Variants in LRP1 observed in about 807,000 individuals in gnomAD.
The protein encoded by LRP1 is LDL receptor related protein 1, also known as prolow-density lipoprotein receptor-related protein 1.
LRP1 carries 51 observed loss-of-function variants against 541.5 expected under a neutral mutation model. That is an observed-to-expected ratio of 0.09 (90% CI 0.08 to 0.12). The LOEUF is 0.12. LRP1 is among the 10% of genes least tolerant of loss of function. The pLI, the probability that LRP1 is intolerant of heterozygous loss-of-function variation, is 1.00. For synonymous variants in LRP1, 2,219 were observed against 2,470.8 expected (o/e 0.90, Z 3.02); for missense variants, 3,878 against 6,376.2 (o/e 0.61, Z 13.34).
Position 57,144,824 on chromosome 12 carries a change from G to A in LRP1, c.449-148G>A, listed in dbSNP as rs944819568. ...AAGACTGGACTTGCTGGGTGTTAAG[G>A]TTTGCACATTTCATGCTGTAATAGA... On this transcript the variant is annotated intron_variant, in intron 4 of 88. Coordinates refer to ENST00000243077, the MANE Select transcript of LRP1 (RefSeq NM_002332.3). The A allele has an allele frequency of 1.2e-5, 9 of 779,788 alleles. No homozygotes were observed. In the African/African-American group the frequency reaches 1.5e-4, roughly 13 times the overall value. 48.3% of individuals were successfully genotyped at this position (779,788 alleles called of 1,614,324 possible).
In LRP1 at chr12:57,206,675, T is replaced by A; in HGVS notation, c.11793T>A (p.Pro3931=). 1.2e-6 allele frequency: 2 copies of A among 1,613,734 alleles called. No individual in the cohort carries two copies. The highest frequency in any genetic ancestry group is 2.2e-5 in the South Asian group (2 of 91,086). The change falls in exon 76 of 89, where the codon CCT becomes CCA. Residue 3931 remains proline (P), a synonymous_variant. Transcript: ENST00000243077. The surrounding 1 kb of genome is among the most constrained non-coding windows in gnomAD (Gnocchi z 4.7). The part of the protein sequence containing the change: ...TGTISYRSLP[P]AAPPTTSNRH... Reference sequence around the variant, plus strand: ...CCATCTCCTACCGCAGCCTGCCACCTGCTGCGCCTCCTACCACTTCCAACC... The same window carrying A: ...CCATCTCCTACCGCAGCCTGCCACCAGCTGCGCCTCCTACCACTTCCAACC...
Position 57,169,237 on chromosome 12 carries a change from C to T in LRP1, c.3093C>T (p.His1031=). ...ACAGCGGGCGTTGCATCCCCGAGCACTGGACCTGCGATGGGGACAATGACT... is the reference window on the plus strand; with the variant it reads ...ACAGCGGGCGTTGCATCCCCGAGCATTGGACCTGCGATGGGGACAATGACT... The part of the protein sequence containing the change: ...KCNSGRCIPE[H]WTCDGDNDCG... The change falls in exon 20 of 89, where the codon CAC becomes CAT. Residue 1031 remains histidine (H), a synonymous_variant. Transcript: ENST00000243077. 2 of 1,613,970 alleles carry T rather than the reference C, an allele frequency of 1.2e-6. No individual in the cohort carries two copies. The highest frequency in any genetic ancestry group is 1.7e-6 in the Non-Finnish European group (2 of 1,179,968).
At chr12:57,208,689 C>T in intron 77 of LRP1, 22 bp from the exon 78 acceptor site, 1 of 1,546,706 alleles carries the variant, frequency 6.5e-7, no homozygotes, top group Non-Finnish European at 8.9e-7. Flanking sequence ...CCTGCCCACA[C>T]TCACCCCTTC....
rs1382971280 is a variant in LRP1 at position 57,203,502 on chromosome 12, G to A, written c.10932G>A (p.Glu3644=). The change falls in exon 70 of 89, where the codon GAG becomes GAA. Residue 3644 remains glutamate (E), a synonymous_variant. Coordinates refer to ENST00000243077, the MANE Select transcript of LRP1 (RefSeq NM_002332.3). ...CCGACTGCATGGACGGCAGCGACGA[G>A]GAGGCCTGCGGCACTGGCGGTGCGC... The part of the protein sequence containing the change: ...ADADCMDGSD[E]EACGTGVRTC... The A allele has an allele frequency of 3.9e-6, 6 of 1,551,472 alleles. No individual in the cohort carries two copies. Among genetic ancestry groups the A allele is most frequent in the African/African-American group, 2.7e-5 (2 of 73,326 alleles).
rs994360620 is a variant in LRP1, at chr12:57,178,386, C to T, written c.4389C>T (p.Tyr1463=). The T allele has an allele frequency of 1.1e-5, 17 of 1,614,172 alleles. No individual in the cohort carries two copies. Among genetic ancestry groups the T allele is most frequent in the South Asian group, 2.2e-5 (2 of 91,086 alleles). ...ARSDAIYSAR[Y]DGSGHMEVLR... ...CAGATGCCATTTACTCAGCCCGTTA[C>T]GACGGCTCTGGCCACATGGAGGTGC... is the stretch of plus-strand genomic sequence containing the variant. Residue 1463 remains tyrosine (Y), a synonymous_variant, in exon 27 of 89, where the codon TAC becomes TAT. Coordinates refer to ENST00000243077, the MANE Select transcript of LRP1 (RefSeq NM_002332.3). This position sits in a 1 kb window ranked among gnomAD's most constrained non-coding sequence, Gnocchi z 5.8.
At chr12:57,141,331 C>A (rs944995606) in intron 2 of LRP1, 43 bp from the exon 3 acceptor site, 6 of 1,612,554 alleles carry the variant, frequency 3.7e-6, no homozygotes, top group Admixed American at 3.3e-5. Flanking sequence ...CAGAGAGCCA[C>A]CATAGCCAGC....
chr12:57,144,900 T>C, intron 4 of LRP1, 72 bp from the exon 5 acceptor site: 1 of 1,456,752 alleles, frequency 6.9e-7, no homozygotes, highest in South Asian at 1.1e-5. Flanking sequence ...ATGTTGATCA[T>C]GTCTGATGAT....
At chr12:57,195,614 C>T (rs990371279) in intron 52 of LRP1, 44 bp from the exon 53 acceptor site, 16 of 1,613,430 alleles carry the variant, frequency 9.9e-6, no homozygotes, top group Non-Finnish European at 1.4e-5. Context: ...CGGTCGGCCG[C>T]TGGCCAGGCA....
rs748177087 is a variant in LRP1, at chr12:57,203,490, C to T, written c.10920C>T (p.Asp3640=). 59 of 1,563,598 alleles carry T rather than the reference C, an allele frequency of 3.8e-5. No homozygotes were observed. Among genetic ancestry groups the T allele is most frequent in the East Asian group, 1.7e-4 (7 of 41,948 alleles). ...WRCDADADCM[D]GSDEEACGTG... ...GTGACGCAGACGCCGACTGCATGGA[C>T]GGCAGCGACGAGGAGGCCTGCGGCA... The change falls in exon 70 of 89, where the codon GAC becomes GAT. Residue 3640 remains aspartate, a synonymous_variant. Coordinates refer to ENST00000243077, the MANE Select transcript of LRP1 (RefSeq NM_002332.3).
At position 57,201,576 on chromosome 12, in the gene LRP1, G is replaced by T; in HGVS notation, c.10425G>T (p.Arg3475=). ...TCCCCCGGGTCTGGGTCTGCGACCGGGACAATGACTGTGTGGATGGCAGTG... is the reference window on the plus strand; with the variant it reads ...TCCCCCGGGTCTGGGTCTGCGACCGTGACAATGACTGTGTGGATGGCAGTG... ...RCIPRVWVCD[R]DNDCVDGSDE... Residue 3475 remains arginine, a synonymous_variant, in exon 66 of 89, where the codon CGG becomes CGT. Coordinates refer to ENST00000243077, the MANE Select transcript of LRP1 (RefSeq NM_002332.3). The surrounding 1 kb of genome is among the most constrained non-coding windows in gnomAD (Gnocchi z 6.4). The T allele has an allele frequency of 6.2e-7, 1 of 1,614,052 alleles. No individual in the cohort carries two copies.
chr12:57,147,230 C>T (rs2035429053), intron 6 of LRP1, among the ~76,000 whole-genome samples: 1 of 152,056 alleles, frequency 6.6e-6, no homozygotes, highest in African/African-American at 2.4e-5. Context: ...CCTGCCCTCC[C>T]CCTGCTCCAC....
At position 57,159,929 on chromosome 12, in the gene LRP1, G is replaced by A; in HGVS notation, c.1903G>A (p.Ala635Thr). 3 of 1,614,186 alleles carry A rather than the reference G, an allele frequency of 1.9e-6. No individual in the cohort carries two copies. The highest frequency in any genetic ancestry group is 2.5e-6 in the Non-Finnish European group (3 of 1,180,034). ...KTISVARLEK[A>T]AQTRKTLIEG... ...AATCAGCGTGGCCAGGCTGGAGAAA[G>A]CTGCTCAGACCCGCAAGACTTTAAT... The change falls in exon 12 of 89, where the codon GCT (alanine) becomes ACT (threonine). Residue 635 changes from alanine (A) to threonine (T), a missense_variant. Transcript: ENST00000243077.
Position 57,205,476 on chromosome 12 carries a change from G to A in LRP1, c.11461G>A (p.Gly3821Arg), listed in dbSNP as rs761581181. The change falls in exon 74 of 89, where the codon GGA (glycine) becomes AGA (arginine). Residue 3821 changes from glycine (G) to arginine (R), a missense_variant. Physicochemically the swap from Gly to Arg is moderately radical, Grantham distance 125. Around this residue, in one of 13 missense-constraint regions of LRP1, gnomAD observed 871 missense variants for 1,212.4 expected, o/e 0.72. Transcript: ENST00000243077. The surrounding 1 kb of genome is among the most constrained non-coding windows in gnomAD (Gnocchi z 4.6). ...SGFHTVPGQP[G>R]CQDINECLRF... ...CTTCCACACCGTGCCCGGCCAGCCCGGATGCCAAGGTAGGAAAGCGGGGCA... is the reference window on the plus strand; with the variant it reads ...CTTCCACACCGTGCCCGGCCAGCCCAGATGCCAAGGTAGGAAAGCGGGGCA... 58 of 1,610,578 alleles carry A rather than the reference G, an allele frequency of 3.6e-5. No individual in the cohort carries two copies. The highest frequency in any genetic ancestry group is 8.9e-5 in the East Asian group (4 of 44,794).
Position 57,198,367 on chromosome 12 carries a change from G to A in LRP1, c.9470+24G>A. 5 of 1,608,212 alleles carry A rather than the reference G, an allele frequency of 3.1e-6. No homozygotes were observed. The South Asian group carries it at 3.3e-5, about 11-fold the overall frequency. On this transcript the variant is annotated intron_variant, in intron 59 of 88. Coordinates refer to ENST00000243077, the MANE Select transcript of LRP1 (RefSeq NM_002332.3). ...GGGTATGTGGCTGAGGAGGGTTGGG[G>A]GAGCCCCTGAAAGCAGCATCCAAGC...
chr12:57,177,032 C>A lies in LRP1; in HGVS notation c.3992-9C>A, dbSNP rs778496979. ...AGACGCTAACCTTTCACTGCCCTCT[C>A]TTCTCCAGCCCTGACTAGTTTCGAG... On this transcript the variant is annotated splice_polypyrimidine_tract_variant and intron_variant, in intron 24 of 88. Transcript: ENST00000243077. This position sits in a 1 kb window ranked among gnomAD's most constrained non-coding sequence, Gnocchi z 6.8. The A allele has an allele frequency of 9.9e-6, 16 of 1,613,024 alleles. No individual in the cohort carries two copies. The African/African-American group carries it at 1.5e-4, about 15-fold the overall frequency.
At chr12:57,149,699 C>A (rs750894391) in intron 6 of LRP1, 8 of 736,328 alleles carry the variant, frequency 1.1e-5, no homozygotes, top group Admixed American at 3.7e-5. Flanking sequence ...GGAAGAGAGC[C>A]CAGGAGAACG....
rs562542596 is a variant in LRP1, at chr12:57,171,295, A to G, written c.3164-1873A>G. Among the ~76,000 whole-genome samples, 11 of 152,250 alleles carry G rather than the reference A, an allele frequency of 7.2e-5. No individual in the cohort carries two copies. In the South Asian group the frequency reaches 1.9e-3, roughly 26 times the overall value. ...AGTTGTTAACTATGGTATGAGCTGG[A>G]TGGTCTGGGACCATTCAGGAGGAGT... On this transcript the variant is annotated intron_variant, in intron 20 of 88. Transcript: ENST00000243077.
chr12:57,151,138 G>A (rs1310736634), intron 6 of LRP1, among the ~76,000 whole-genome samples: 2 of 152,108 alleles, frequency 1.3e-5, no homozygotes, highest in African/African-American at 2.4e-5. Flanking sequence ...TTGGGCATGG[G>A]GTGGGTCCCA....
intron 1 of LRP1, among the ~76,000 whole-genome samples, chr12:57,134,173 T>A (rs1399756614): frequency 6.6e-6 from 1 of 152,188 alleles, no homozygotes; most frequent in Non-Finnish European, 1.5e-5. Flanking sequence ...AGCATGGCAG[T>A]CACATTCATC....
Sources: allele counts gnomAD v4.1 joint callset (sites outside exome capture counted in the v4.1 genomes callset), GRCh38; gene constraint gnomAD v4.1.1; regional missense constraint gnomAD v4.1.1; non-coding constraint Gnocchi (gnomAD v3.1); transcripts MANE v1.5; gene names NCBI Gene and HGNC (gene_info 2026-07-23, HGNC 2026-07-21).